Variants in ABCC4 observed in about 807,000 individuals in gnomAD.
ABCC4 encodes ATP binding cassette subfamily C member 4 (PEL blood group).
In ABCC4, 102 loss-of-function variants were observed where a neutral mutation model predicts 168.5. The ratio of observed to expected loss-of-function variants is 0.61; its 90% CI spans 0.52 to 0.71. The LOEUF is 0.71. Ranked by LOEUF, ABCC4 falls within the 30% of genes least tolerant of loss-of-function variation. The pLI is 0.00. For synonymous variants in ABCC4, 617 were observed against 590.7 expected (o/e 1.04, Z -0.65); for missense variants, 1,402 against 1,605.8 (o/e 0.87, Z 2.17).
chr13:95,219,316 T>C (rs2039245923), intron 4 of ABCC4, among the ~76,000 whole-genome samples: 1 of 152,020 alleles, frequency 6.6e-6, no homozygotes, highest in Non-Finnish European at 1.5e-5. Flanking sequence ...GAGCAAGACA[T>C]ACTGGCAGGG....
intron 4 of ABCC4, among the ~76,000 whole-genome samples, chr13:95,213,302 G>A (rs372063229): frequency 1.3e-5 from 2 of 152,310 alleles, no homozygotes; most frequent in African/African-American, 4.8e-5. Flanking sequence ...CAAGAGACGG[G>A]AAATGTAGGT....
intron 30 of ABCC4, among the ~76,000 whole-genome samples, chr13:95,029,913 G>A (rs2031784112): frequency 6.6e-6 from 1 of 152,138 alleles, no homozygotes; most frequent in South Asian, 2.1e-4. Context: ...GCCATTGGCT[G>A]CTAAGTGTCT....
intron 1 of ABCC4, among the ~76,000 whole-genome samples, chr13:95,278,806 GAAAAA>G (rs71113905): frequency 2.9e-5 from 1 of 34,344 alleles, no homozygotes; most frequent in Admixed American, 5.5e-4. Context: ...CCCTGTCTCG[GAAAAA>G]AAAAAAAAAA....
intron 1 of ABCC4, among the ~76,000 whole-genome samples, chr13:95,249,186 A>G (rs544252030): frequency 9.9e-5 from 15 of 151,520 alleles, no homozygotes; most frequent in Admixed American, 2.6e-4. Flanking sequence ...GCCACTGCAC[A>G]CCAGCCTGAG....
intron 26 of ABCC4, among the ~76,000 whole-genome samples, chr13:95,056,244 CT>C (rs1437840552): frequency 6.6e-6 from 1 of 152,200 alleles, no homozygotes; most frequent in Non-Finnish European, 1.5e-5. Flanking sequence ...CTGCTGCTGC[CT>C]GATGTCCTCA....
In ABCC4 at chr13:95,161,267, A is replaced by C; in HGVS notation, c.2377T>G (p.Ser793Ala). The stretch of plus-strand genomic sequence containing the variant: ...ATTTTGTTGTGCAAAGTTTGTGAAG[A>C]GTTAACAAGGACGTAGAATACCAAT... ...SLLVFYVLVN[S>A]SQTLHNKMFE... Residue 793 changes from serine (S) to alanine (A), a missense_variant, in exon 19 of 31, where the codon TCT becomes GCT. Coordinates refer to ENST00000645237, the MANE Select transcript of ABCC4 (RefSeq NM_005845.5). 6.2e-7 allele frequency: 1 copy of C among 1,611,452 alleles called. No individual in the cohort carries two copies. The highest frequency in any genetic ancestry group is 1.1e-5 in the South Asian group (1 of 90,394).
At chr13:95,121,972 G>C (rs1281493191) in intron 19 of ABCC4, among the ~76,000 whole-genome samples, 4 of 152,154 alleles carry the variant, frequency 2.6e-5, no homozygotes, top group African/African-American at 9.7e-5. Flanking sequence ...GAAGACAAAA[G>C]CCAATCTTGC....
At position 95,206,516 on chromosome 13, in the gene ABCC4, G is replaced by A; in HGVS notation, c.1161+16C>T. ...TCAAATGCACCTACAACTTTAAAAT[G>A]GCATCTGACACCAACCTGGATTCTT... On this transcript the variant is annotated intron_variant, in intron 8 of 30. Transcript: ENST00000645237. 6.2e-7 allele frequency: 1 copy of A among 1,608,280 alleles called. No individual in the cohort carries two copies. Among genetic ancestry groups the A allele is most frequent in the Non-Finnish European group, 8.5e-7 (1 of 1,175,028 alleles).
chr13:95,294,041 A>G (rs1314434652), intron 1 of ABCC4, among the ~76,000 whole-genome samples: 2 of 152,034 alleles, frequency 1.3e-5, no homozygotes, highest in African/African-American at 4.8e-5. Flanking sequence ...CAGCCACTGT[A>G]TCGTGCAAAT....
chr13:95,240,532 ACACACACACACAC>A (rs2039909309), intron 3 of ABCC4, among the ~76,000 whole-genome samples: 2 of 164 alleles, frequency 0.012, no homozygotes, highest in Non-Finnish European at 0.053. Flanking sequence ...CCATCTCAAA[ACACACACACACAC>A]ACACACACAC....
At chr13:95,232,158 A>G (rs7326711) in intron 4 of ABCC4, among the ~76,000 whole-genome samples, 107,553 of 150,056 alleles carry the variant, frequency 0.72, 38,820 homozygotes, top group Non-Finnish European at 0.79. Context: ...GGTGGTGGTG[A>G]TGATGATGAA....
At chr13:95,074,803 G>T (rs1232646356) in intron 22 of ABCC4, among the ~76,000 whole-genome samples, 2 of 152,130 alleles carry the variant, frequency 1.3e-5, no homozygotes, top group African/African-American at 4.8e-5. Flanking sequence ...TTTGCATGTG[G>T]TTTTTTGTTT....
intron 26 of ABCC4, among the ~76,000 whole-genome samples, chr13:95,058,843 G>A (rs943344495): frequency 1.3e-5 from 2 of 152,164 alleles, no homozygotes; most frequent in Non-Finnish European, 2.9e-5. Flanking sequence ...AAGGCTCCTT[G>A]CACGGTGCTG....
At chr13:95,060,512 T>A (rs2033246629) in intron 26 of ABCC4, among the ~76,000 whole-genome samples, 2 of 152,174 alleles carry the variant, frequency 1.3e-5, no homozygotes, top group South Asian at 4.1e-4. Context: ...TAAAAGCACT[T>A]TACAGACATG....
At chr13:95,168,650 C>T (rs2037365609) in intron 14 of ABCC4, among the ~76,000 whole-genome samples, 1 of 152,144 alleles carries the variant, frequency 6.6e-6, no homozygotes, top group South Asian at 2.1e-4. Flanking sequence ...TTTGAAGACA[C>T]TAAGCGGGTT....
In ABCC4 at chr13:95,114,430, GAAGT is replaced by G. The variant is rs776086513; in HGVS notation, c.2535+1488_2535+1491del. The stretch of plus-strand genomic sequence containing the variant: ...ACAGAAACTTTCACAAAATCTTCTT[GAAGT>G]AATTAACAATCCCTGTCAAAACGTG... On this transcript the variant is annotated intron_variant, in intron 20 of 30. Transcript: ENST00000645237. Among the ~76,000 whole-genome samples the G allele has an allele frequency of 6.8e-4, 103 of 152,182 alleles. 2 individuals are homozygous for G. The highest frequency in any genetic ancestry group is 6.5e-4 in the Non-Finnish European group (44 of 68,038).
At position 95,284,524 on chromosome 13, in the gene ABCC4, C is replaced by T. The variant is rs115000449; in HGVS notation, c.74+16717G>A. On this transcript the variant is annotated intron_variant, in intron 1 of 30. Transcript: ENST00000645237. Reference sequence around the variant, plus strand: ...CTTTGTGCCAGGACTAGGTCAGGTACTTGGGACATATACAGGCAAGGACAC... The same window carrying T: ...CTTTGTGCCAGGACTAGGTCAGGTATTTGGGACATATACAGGCAAGGACAC... Among the ~76,000 whole-genome samples the T allele has an allele frequency of 9.0e-3, 1,367 of 152,306 alleles. 20 individuals are homozygous for T. The highest frequency in any genetic ancestry group is 0.031 in the African/African-American group (1,284 of 41,562).
chr13:95,079,292 C>T (rs561160041), intron 21 of ABCC4, among the ~76,000 whole-genome samples: 1 of 152,320 alleles, frequency 6.6e-6, no homozygotes, highest in African/African-American at 2.4e-5. Flanking sequence ...CTTTAGGATA[C>T]ACTCTACAGA....
chr13:95,092,882 T>C (rs1165475140), intron 20 of ABCC4, among the ~76,000 whole-genome samples: 1 of 151,608 alleles, frequency 6.6e-6, no homozygotes, highest in Non-Finnish European at 1.5e-5. Context: ...ACCACTGAAA[T>C]ACAAAAGATC....
Sources: allele counts gnomAD v4.1 joint callset (sites outside exome capture counted in the v4.1 genomes callset), GRCh38; gene constraint gnomAD v4.1.1; transcripts MANE v1.5; gene names NCBI Gene and HGNC (gene_info 2026-07-23, HGNC 2026-07-21).